Variants in MAP2K6 observed in about 807,000 individuals in gnomAD.
MAP2K6 encodes the protein dual specificity mitogen-activated protein kinase kinase 6.
MAP2K6 carries 16 observed loss-of-function variants against 53.7 expected under a neutral mutation model. The observed-to-expected ratio is 0.30, with a 90% CI of 0.20 to 0.45. MAP2K6 has a LOEUF of 0.45. Ranked by LOEUF, MAP2K6 falls within the 20% of genes least tolerant of loss-of-function variation. The pLI is 1.00. For synonymous variants in MAP2K6, 132 were observed against 143.1 expected, an observed-to-expected ratio of 0.92 and a Z score of 0.55; for missense variants, 204 against 411.9, an observed-to-expected ratio of 0.50 and a Z score of 4.37.
intron 1 of MAP2K6, among the ~76,000 whole-genome samples, chr17:69,449,559 TTATTTC>T (rs1907120547): frequency 1.2e-5 from 1 of 84,778 alleles, no homozygotes; most frequent in African/African-American, 6.4e-5. Flanking sequence ...CTTTCTTTCT[TTATTTC>T]TTTCTTTCTT....
rs1009225098 is a variant in MAP2K6, at chr17:69,494,777, G to A, written c.17-11003G>A. Reference sequence around the variant, plus strand: ...TCCCAGCACTTTGGGAGGCTGGGGCGGGTGGATCACCTGAGGTCAGGAATT... The same window carrying A: ...TCCCAGCACTTTGGGAGGCTGGGGCAGGTGGATCACCTGAGGTCAGGAATT... On this transcript the variant is annotated intron_variant, in intron 1 of 11. Transcript: ENST00000590474. This position sits in a 1 kb window ranked among gnomAD's most constrained non-coding sequence, Gnocchi z 4.2. 6.6e-5 allele frequency among the ~76,000 whole-genome samples: 10 copies of A among 151,854 alleles called. No individual in the cohort carries two copies. The highest frequency in any genetic ancestry group is 1.3e-4 in the Non-Finnish European group (9 of 67,976).
At chr17:69,446,864 T>G (rs1021139073) in intron 1 of MAP2K6, among the ~76,000 whole-genome samples, 6 of 151,278 alleles carry the variant, frequency 4.0e-5, no homozygotes, top group African/African-American at 1.2e-4. Flanking sequence ...AATAAGGTTT[T>G]TTTTTTTTTT....
At chr17:69,526,235 A>G (rs565593645) in intron 9 of MAP2K6, among the ~76,000 whole-genome samples, 1 of 152,210 alleles carries the variant, frequency 6.6e-6, no homozygotes, top group Non-Finnish European at 1.5e-5. Flanking sequence ...TGTCAGACCA[A>G]ACGTTTGAAA....
At chr17:69,477,753 T>G (rs1908202202) in intron 1 of MAP2K6, among the ~76,000 whole-genome samples, 2 of 152,144 alleles carry the variant, frequency 1.3e-5, no homozygotes, top group South Asian at 4.1e-4. Context: ...AATGAGGATA[T>G]CAACTCGTTA....
intron 1 of MAP2K6, among the ~76,000 whole-genome samples, chr17:69,491,382 A>G (rs936961665): frequency 3.3e-5 from 5 of 152,070 alleles, no homozygotes; most frequent in East Asian, 1.9e-4. Context: ...GACCTCAACT[A>G]TTCTGCCCGC....
At chr17:69,492,763 G>T (rs1232512971) in intron 1 of MAP2K6, among the ~76,000 whole-genome samples, 4 of 151,306 alleles carry the variant, frequency 2.6e-5, no homozygotes, top group Admixed American at 2.6e-4. Context: ...GTCCCACCTG[G>T]ATAATTTAGG....
chr17:69,510,205 G>A (rs1909743626), intron 2 of MAP2K6, among the ~76,000 whole-genome samples: 1 of 152,112 alleles, frequency 6.6e-6, no homozygotes, highest in Admixed American at 6.5e-5. Context: ...TGCATCAATT[G>A]ATATGATCAT....
At chr17:69,423,667 G>A (rs1455969296) in intron 1 of MAP2K6, among the ~76,000 whole-genome samples, 6 of 152,136 alleles carry the variant, frequency 3.9e-5, no homozygotes, top group Admixed American at 3.9e-4. Flanking sequence ...TATAAGAATT[G>A]TAGGTCATTG....
intron 1 of MAP2K6, among the ~76,000 whole-genome samples, chr17:69,483,418 T>C (rs538197765): frequency 1.1e-4 from 17 of 152,194 alleles, no homozygotes; most frequent in African/African-American, 4.1e-4. Context: ...AATCTTATAC[T>C]CTGAAAGCTA....
chr17:69,497,661 G>C (rs1170726385), intron 1 of MAP2K6, among the ~76,000 whole-genome samples: 1 of 151,918 alleles, frequency 6.6e-6, no homozygotes, highest in Non-Finnish European at 1.5e-5. Flanking sequence ...CCTCCTCCAG[G>C]TTTCTCTCTC....
chr17:69,502,686 G>A, intron 1 of MAP2K6: 9 of 985,508 alleles, frequency 9.1e-6, no homozygotes, highest in Non-Finnish European at 1.1e-5. Context: ...TAAATTCAGG[G>A]TAAGAATGAT....
chr17:69,452,280 G>C (rs1907257131), intron 1 of MAP2K6, among the ~76,000 whole-genome samples: 1 of 151,690 alleles, frequency 6.6e-6, no homozygotes, highest in Non-Finnish European at 1.5e-5. Flanking sequence ...ATAAGAATGG[G>C]CAAGCTCAAA....
Position 69,479,780 on chromosome 17 carries a change from C to T in MAP2K6, c.17-26000C>T, listed in dbSNP as rs1978106. ...TTGCTCAGGCTGGAGTGCAATGGTG[C>T]GATCTCAGCTCACTGCAACCTCTCC... On this transcript the variant is annotated intron_variant, in intron 1 of 11. Transcript: ENST00000590474. 5.5e-3 allele frequency among the ~76,000 whole-genome samples: 816 copies of T among 149,072 alleles called. 2 individuals are homozygous for T. The highest frequency in any genetic ancestry group is 0.019 in the South Asian group (90 of 4,732).
chr17:69,511,429 G>A (rs1324343020), intron 2 of MAP2K6, among the ~76,000 whole-genome samples: 1 of 152,094 alleles, frequency 6.6e-6, no homozygotes, highest in Non-Finnish European at 1.5e-5. Context: ...AAAATAAATA[G>A]GCCTTGACAA....
At chr17:69,419,176 T>A (rs1459444082) in intron 1 of MAP2K6, among the ~76,000 whole-genome samples, 1 of 152,232 alleles carries the variant, frequency 6.6e-6, no homozygotes, top group African/African-American at 2.4e-5. Context: ...CTTAATGTCA[T>A]ATTGAGTTTT....
intron 9 of MAP2K6, among the ~76,000 whole-genome samples, chr17:69,525,871 C>T (rs1910745415): frequency 6.6e-6 from 1 of 152,198 alleles, no homozygotes; most frequent in African/African-American, 2.4e-5. Context: ...AGGATGATTT[C>T]CTTAGACACA....
At chr17:69,480,338 A>C (rs1483141121) in intron 1 of MAP2K6, among the ~76,000 whole-genome samples, 1 of 152,196 alleles carries the variant, frequency 6.6e-6, no homozygotes, top group Middle Eastern at 3.4e-3. Context: ...CGTTCTTCTC[A>C]CCAGCCCTAA....
intron 1 of MAP2K6, among the ~76,000 whole-genome samples, chr17:69,469,740 G>A (rs1406594428): frequency 1.3e-5 from 2 of 152,032 alleles, no homozygotes; most frequent in African/African-American, 4.8e-5. Flanking sequence ...CCCAGCCTGG[G>A]GGCAATGGAG....
intron 1 of MAP2K6, chr17:69,433,531 G>A (rs1364614305): frequency 6.6e-6 from 1 of 152,232 alleles, no homozygotes; most frequent in Non-Finnish European, 1.5e-5. Flanking sequence ...AATCGTGCAT[G>A]TAGCCATTCC....
Sources: gnomAD v4.1 joint callset for allele counts (sites outside exome capture counted in the v4.1 genomes callset) on GRCh38, gnomAD v4.1.1 for gene constraint, Gnocchi (gnomAD v3.1) non-coding constraint, MANE v1.5 for transcripts, NCBI Gene and HGNC (gene_info 2026-07-23, HGNC 2026-07-21) for gene names.